Variants in FAM185A observed in about 807,000 individuals in gnomAD.
FAM185A encodes the protein family with sequence similarity 185 member A, also known as protein FAM185A.
A neutral mutation model predicts 45.7 loss-of-function variants in FAM185A; 21 were observed. The observed-to-expected ratio is 0.46, with a 90% CI of 0.33 to 0.66. The LOEUF (loss-of-function observed/expected upper bound fraction) is 0.66, where lower values mean the gene tolerates loss of function less well. FAM185A is among the 30% of genes least tolerant of loss of function. The pLI is 0.03. For synonymous variants in FAM185A, 117 were observed against 194.0 expected, an observed-to-expected ratio of 0.60 and a Z score of 3.30; for missense variants, 305 against 485.4, an observed-to-expected ratio of 0.63 and a Z score of 3.49.
intron 7 of FAM185A, among the ~76,000 whole-genome samples, chr7:102,798,336 C>T (rs1796567220): frequency 6.6e-6 from 1 of 152,100 alleles, no homozygotes; most frequent in African/African-American, 2.4e-5. Flanking sequence ...AGATTCAGGT[C>T]AAAGTACAAA....
chr7:102,817,908 T>C, the FAM185A span, among the ~76,000 whole-genome samples: 1 of 152,226 alleles, frequency 6.6e-6, no homozygotes, highest in Non-Finnish European at 1.5e-5. Context: ...TTTATCCTGG[T>C]GAGAGGTTTC....
rs542670581 is a variant in FAM185A at position 102,772,842 on chromosome 7, A to G, written c.835+392A>G. Among the ~76,000 whole-genome samples the G allele has an allele frequency of 3.3e-3, 500 of 151,170 alleles. 3 individuals are homozygous for G. Among genetic ancestry groups the G allele is most frequent in the African/African-American group, 0.012 (477 of 41,348 alleles). ...GTGAATACCAATAACTAGTTAGTCA[A>G]CATGTATTTATTGAGTACCTGCCAT... On this transcript the variant is annotated intron_variant, in intron 5 of 7. Transcript: ENST00000413034.
Position 102,749,136 on chromosome 7 carries a change from A to G in FAM185A, c.-72A>G. ...TTTGACTTGAGGCGGCACAGTGGCC[A>G]AGTCGATTGGCCGTGGCAAGTGACC... On this transcript the variant is annotated 5_prime_UTR_variant, in exon 1 of 8. Coordinates refer to ENST00000413034, the MANE Select transcript of FAM185A (RefSeq NM_001145268.2). 1 of 1,539,278 alleles carries G rather than the reference A, an allele frequency of 6.5e-7. No individual in the cohort carries two copies. Among genetic ancestry groups the G allele is most frequent in the Middle Eastern group, 1.7e-4 (1 of 5,982 alleles).
At chr7:102,832,359 C>T in the FAM185A span, among the ~76,000 whole-genome samples, 1 of 152,156 alleles carries the variant, frequency 6.6e-6, no homozygotes, top group African/African-American at 2.4e-5. Context: ...TCCACTAAGG[C>T]CCTAGCTCAA....
At chr7:102,773,930 C>G (rs1794905995) in intron 5 of FAM185A, among the ~76,000 whole-genome samples, 2 of 152,040 alleles carry the variant, frequency 1.3e-5, no homozygotes, top group Admixed American at 1.3e-4. Context: ...GTCTGTAAAT[C>G]AGGTAGTTGA....
the FAM185A span, among the ~76,000 whole-genome samples, chr7:102,824,873 C>T: frequency 1.3e-5 from 2 of 150,668 alleles, no homozygotes; most frequent in Admixed American, 6.6e-5. Flanking sequence ...GTCTTCTTGC[C>T]GTAGCCTCCC....
At chr7:102,760,903 A>T (rs562019397) in intron 3 of FAM185A, among the ~76,000 whole-genome samples, 1 of 152,378 alleles carries the variant, frequency 6.6e-6, no homozygotes, top group East Asian at 1.9e-4. Context: ...TTGTTGGATT[A>T]AGATCAAATA....
the FAM185A span, among the ~76,000 whole-genome samples, chr7:102,840,839 A>G: frequency 6.6e-6 from 1 of 152,214 alleles, no homozygotes; most frequent in African/African-American, 2.4e-5. Context: ...CTGTCTACCT[A>G]TCTCATAGGC....
rs1795578603 is a variant in FAM185A, at chr7:102,783,817, A to G, written c.932-3518A>G. ...ACACATTCAAAAACTAGCAGAAGGC[A>G]AGAAATAACTAAGATCAGAGCAGAA... On this transcript the variant is annotated intron_variant, in intron 6 of 7. Transcript: ENST00000413034. Among the ~76,000 whole-genome samples the G allele has an allele frequency of 5.9e-5, 9 of 152,338 alleles. No individual in the cohort carries two copies. In the South Asian group the frequency reaches 1.7e-3, roughly 28 times the overall value.
At chr7:102,789,614 A>C (rs1180453973) in intron 7 of FAM185A, among the ~76,000 whole-genome samples, 1 of 152,284 alleles carries the variant, frequency 6.6e-6, no homozygotes, top group East Asian at 1.9e-4. Flanking sequence ...GAGGCTGAGG[A>C]AAAAGAATCC....
At chr7:102,850,262 A>C in the FAM185A span, among the ~76,000 whole-genome samples, 4 of 152,166 alleles carry the variant, frequency 2.6e-5, no homozygotes, top group African/African-American at 9.7e-5. Flanking sequence ...CACAGAATCA[A>C]AAAAGAATGA....
At chr7:102,827,772 C>T in the FAM185A span, among the ~76,000 whole-genome samples, 4 of 152,022 alleles carry the variant, frequency 2.6e-5, no homozygotes, top group South Asian at 6.2e-4. Flanking sequence ...TGAGAACATG[C>T]AGTGTTTGGT....
intron 6 of FAM185A, among the ~76,000 whole-genome samples, chr7:102,779,096 T>G (rs1795251333): frequency 1.3e-5 from 2 of 152,304 alleles, no homozygotes; most frequent in Admixed American, 1.3e-4. Context: ...ATTTTGTCCT[T>G]GGGAAAATCA....
the FAM185A span, among the ~76,000 whole-genome samples, chr7:102,837,400 A>G: frequency 6.6e-6 from 1 of 152,240 alleles, no homozygotes; most frequent in East Asian, 1.9e-4. Context: ...CAAGGACCAA[A>G]ACAAATATTT....
At chr7:102,846,592 G>C in the FAM185A span, among the ~76,000 whole-genome samples, 1 of 149,236 alleles carries the variant, frequency 6.7e-6, no homozygotes, top group Admixed American at 6.7e-5. Context: ...TACAAGCCTG[G>C]GCAACAGAGC....
chr7:102,798,275 T>C (rs577606322), intron 7 of FAM185A, among the ~76,000 whole-genome samples: 5 of 152,330 alleles, frequency 3.3e-5, no homozygotes, highest in Non-Finnish European at 7.3e-5. Flanking sequence ...AAAACTTTTG[T>C]AGGAAGGAAT....
At chr7:102,847,168 C>A in the FAM185A span, among the ~76,000 whole-genome samples, 1 of 151,652 alleles carries the variant, frequency 6.6e-6, no homozygotes, top group Non-Finnish European at 1.5e-5. Context: ...GCCTGCAAAG[C>A]CTAAAACAGA....
At chr7:102,815,209 TCTC>T in the FAM185A span, among the ~76,000 whole-genome samples, 1 of 152,150 alleles carries the variant, frequency 6.6e-6, no homozygotes, top group Admixed American at 6.6e-5. Flanking sequence ...AACCCAGTCT[TCTC>T]CTCCTCTAAA....
At chr7:102,819,228 G>T in the FAM185A span, among the ~76,000 whole-genome samples, 1 of 152,116 alleles carries the variant, frequency 6.6e-6, no homozygotes, top group African/African-American at 2.4e-5. Context: ...TGAATGGCTG[G>T]CTGTCACAGC....
Sources: allele counts gnomAD v4.1 joint callset (sites outside exome capture counted in the v4.1 genomes callset), GRCh38; gene constraint gnomAD v4.1.1; transcripts MANE v1.5; gene names NCBI Gene and HGNC (gene_info 2026-07-23, HGNC 2026-07-21).